Variants in EIF4G3 observed in about 807,000 individuals in gnomAD.
The protein encoded by EIF4G3 is eIF-4-gamma 3.
Under a neutral mutation model 186.4 loss-of-function variants are expected in EIF4G3, and 34 were observed. That is an observed-to-expected ratio of 0.18 (90% CI 0.14 to 0.24). The LOEUF (loss-of-function observed/expected upper bound fraction) is 0.24, where lower values mean the gene tolerates loss of function less well. EIF4G3 is among the 10% of genes least tolerant of loss of function. The pLI is 1.00. For missense variants in EIF4G3, 1,536 were observed against 1,948.5 expected, an observed-to-expected ratio of 0.79 and a Z score of 3.99; for synonymous variants, 673 against 679.5, an observed-to-expected ratio of 0.99 and a Z score of 0.15.
At chr1:20,956,438 G>T (rs2154564076) in intron 12 of EIF4G3, among the ~76,000 whole-genome samples, 1 of 152,208 alleles carries the variant, frequency 6.6e-6, no homozygotes, top group Admixed American at 6.5e-5. Context: ...GAGTGAGAAA[G>T]TTCCTGTTGT....
intron 12 of EIF4G3, among the ~76,000 whole-genome samples, chr1:20,957,484 A>AAAACAAGCACAAGCACAAACT (rs2096460033): frequency 6.6e-6 from 1 of 151,868 alleles, no homozygotes; most frequent in Non-Finnish European, 1.5e-5. Flanking sequence ...AGGAATTAGA[A>AAAACAAGCACAAGCACAAACT]AAACAAGCAC....
intron 2 of EIF4G3, among the ~76,000 whole-genome samples, chr1:21,134,662 C>T (rs2097207887): frequency 6.6e-6 from 1 of 151,932 alleles, no homozygotes; most frequent in Non-Finnish European, 1.5e-5. Flanking sequence ...GAGTGAGACT[C>T]CATCTCAAAA....
At chr1:20,999,089 A>G (rs1230521590) in intron 6 of EIF4G3, among the ~76,000 whole-genome samples, 1 of 152,200 alleles carries the variant, frequency 6.6e-6, no homozygotes, top group Non-Finnish European at 1.5e-5. Flanking sequence ...CATGGCCACA[A>G]TGTAGGAGAC....
chr1:20,847,978 T>G (rs1280632884), intron 29 of EIF4G3: 1 of 382,662 alleles, frequency 2.6e-6, no homozygotes, highest in African/African-American at 2.1e-5. Flanking sequence ...TCTTTTTTTT[T>G]GTTTGTTTGA....
intron 4 of EIF4G3, among the ~76,000 whole-genome samples, chr1:21,021,459 T>G (rs1191561799): frequency 6.6e-6 from 1 of 152,194 alleles, no homozygotes; most frequent in East Asian, 1.9e-4. Context: ...TTATGTAAGC[T>G]CAGGCTTCCA....
In EIF4G3 at chr1:20,859,078, C is replaced by T. The variant is rs79447354; in HGVS notation, c.3244+1307G>A. ...AAAAGCTTTTCTGGTCCTAACATAACGTCTTGATTTTCTCCGTGCTATCTG... is the reference window on the plus strand; with the variant it reads ...AAAAGCTTTTCTGGTCCTAACATAATGTCTTGATTTTCTCCGTGCTATCTG... On this transcript the variant is annotated intron_variant, in intron 24 of 36. Transcript: ENST00000602326. 4.0e-3 allele frequency among the ~76,000 whole-genome samples: 612 copies of T among 152,294 alleles called. 5 individuals carry two copies. The highest frequency in any genetic ancestry group is 0.014 in the African/African-American group (574 of 41,568).
intron 36 of EIF4G3, among the ~76,000 whole-genome samples, chr1:20,807,846 T>TCTAC (rs1052010012): frequency 4.3e-5 from 6 of 140,570 alleles, no homozygotes; most frequent in African/African-American, 1.6e-4. Context: ...CACTGCAACC[T>TCTAC]CTACCTCCTG....
At chr1:21,006,332 G>T (rs1181328877) in intron 4 of EIF4G3, among the ~76,000 whole-genome samples, 2 of 152,128 alleles carry the variant, frequency 1.3e-5, no homozygotes, top group Non-Finnish European at 2.9e-5. Context: ...CAGAAAACTA[G>T]GGACAGATCA....
At chr1:21,087,068 T>G (rs777396121) in intron 3 of EIF4G3, among the ~76,000 whole-genome samples, 1 of 152,192 alleles carries the variant, frequency 6.6e-6, no homozygotes, top group Non-Finnish European at 1.5e-5. Flanking sequence ...ATTCTAAAAG[T>G]GATTCACAAC....
At chr1:21,053,795 G>T (rs1270629679) in intron 3 of EIF4G3, among the ~76,000 whole-genome samples, 1 of 148,730 alleles carries the variant, frequency 6.7e-6, no homozygotes, top group Non-Finnish European at 1.5e-5. Context: ...GCCCCTACTG[G>T]GAAGAGAGGA....
intron 30 of EIF4G3, among the ~76,000 whole-genome samples, chr1:20,831,278 AT>A (rs35154451): frequency 0.012 from 1,744 of 142,988 alleles, 8 homozygotes; most frequent in African/African-American, 0.015. Flanking sequence ...AAAAATATTA[AT>A]TTTTTTTTTT....
chr1:21,014,003 C>CT (rs1394383330), intron 4 of EIF4G3, among the ~76,000 whole-genome samples: 1 of 152,164 alleles, frequency 6.6e-6, no homozygotes, highest in African/African-American at 2.4e-5. Context: ...AACTCCGTCT[C>CT]TACTACAAAT....
chr1:20,974,382 C>T (rs753314618), intron 10 of EIF4G3, among the ~76,000 whole-genome samples: 5 of 152,080 alleles, frequency 3.3e-5, no homozygotes, highest in Non-Finnish European at 5.9e-5. Context: ...AGATGAAAAC[C>T]AAGGCAGTGG....
intron 7 of EIF4G3, among the ~76,000 whole-genome samples, chr1:20,990,625 C>T (rs1177655773): frequency 1.3e-5 from 2 of 151,530 alleles, no homozygotes; most frequent in African/African-American, 4.9e-5. Flanking sequence ...GCTGAGATCG[C>T]GCCACTGTAC....
intron 2 of EIF4G3, among the ~76,000 whole-genome samples, chr1:21,128,343 T>C (rs2097090592): frequency 6.6e-6 from 1 of 151,430 alleles, no homozygotes; most frequent in South Asian, 2.1e-4. Context: ...ACCCCGTCTC[T>C]AAAAAATAAT....
At chr1:20,866,929 C>T (rs1037007137) in intron 20 of EIF4G3, among the ~76,000 whole-genome samples, 6 of 152,068 alleles carry the variant, frequency 3.9e-5, no homozygotes, top group South Asian at 2.1e-4. Flanking sequence ...AATAATAGTC[C>T]GGCCCACAAT....
At chr1:21,010,687 G>C (rs544203721) in intron 4 of EIF4G3, among the ~76,000 whole-genome samples, 1 of 152,088 alleles carries the variant, frequency 6.6e-6, no homozygotes, top group Non-Finnish European at 1.5e-5. Context: ...GCACAACACA[G>C]GTATAGCAAA....
chr1:21,101,273 A>G (rs2096512118), intron 2 of EIF4G3, among the ~76,000 whole-genome samples: 1 of 152,062 alleles, frequency 6.6e-6, no homozygotes, highest in African/African-American at 2.4e-5. Context: ...CTGCAGGATA[A>G]AATATGCAAT....
At chr1:20,948,970 CAAAA>C (rs34585901) in intron 13 of EIF4G3, among the ~76,000 whole-genome samples, 3 of 51,518 alleles carry the variant, frequency 5.8e-5, no homozygotes, top group Non-Finnish European at 8.2e-5. Context: ...GACTCTGTCT[CAAAA>C]AAAAAAAAAA....
Sources: gnomAD v4.1 joint callset for allele counts (sites outside exome capture counted in the v4.1 genomes callset) on GRCh38, gnomAD v4.1.1 for gene constraint, MANE v1.5 for transcripts, NCBI Gene and HGNC (gene_info 2026-07-23, HGNC 2026-07-21) for gene names.